Variants in SORBS2 observed in about 807,000 individuals in gnomAD.
SORBS2 encodes sorbin and SH3 domain containing 2.
A neutral mutation model predicts 97.7 loss-of-function variants in SORBS2; 46 were observed. That is an observed-to-expected ratio of 0.47 (90% CI 0.37 to 0.60). SORBS2 has a LOEUF of 0.60. Among genes scored for constraint, SORBS2 ranks in the 20% least tolerant of loss-of-function variants. The pLI is 0.00. For synonymous variants in SORBS2, 476 were observed against 473.4 expected (o/e 1.01, Z -0.07); for missense variants, 1,316 against 1,282.3 (o/e 1.03, Z -0.40).
intron 2 of SORBS2, among the ~76,000 whole-genome samples, chr4:185,731,575 CTTCCCTCTCT>C (rs2098629901): frequency 1.1e-5 from 1 of 91,766 alleles, no homozygotes; most frequent in African/African-American, 4.4e-5. Context: ...TATCTCTCTC[CTTCCCTCTCT>C]CCCTCCCTCC....
At chr4:185,676,151 G>C (rs2097786202) in intron 4 of SORBS2, among the ~76,000 whole-genome samples, 1 of 152,138 alleles carries the variant, frequency 6.6e-6, no homozygotes, top group Admixed American at 6.5e-5. Context: ...CTCTAGCCTA[G>C]TCTATGGTAA....
intron 8 of SORBS2, among the ~76,000 whole-genome samples, chr4:185,618,952 G>C (rs1012989698): frequency 1.5e-4 from 23 of 152,158 alleles, no homozygotes; most frequent in Non-Finnish European, 2.9e-5. Context: ...GCTCTTCCTA[G>C]GATAAATGTG....
chr4:185,699,211 C>T (rs1456374070), intron 2 of SORBS2, among the ~76,000 whole-genome samples: 1 of 151,038 alleles, frequency 6.6e-6, no homozygotes, highest in Admixed American at 6.6e-5. Context: ...GGAAAATTTG[C>T]TCTAATTTGA....
chr4:185,622,069 A>T (rs529190754), intron 7 of SORBS2, among the ~76,000 whole-genome samples: 2 of 152,376 alleles, frequency 1.3e-5, no homozygotes, highest in South Asian at 4.1e-4. Flanking sequence ...AATGAAAATA[A>T]TTGGTCACAA....
At chr4:185,690,043 T>A (rs1174005692) in intron 2 of SORBS2, among the ~76,000 whole-genome samples, 3 of 152,186 alleles carry the variant, frequency 2.0e-5, no homozygotes, top group African/African-American at 7.2e-5. Context: ...AGAGACACAG[T>A]TGTTAAGTTA....
At chr4:185,923,276 T>C (rs1368880440) in intron 1 of SORBS2, among the ~76,000 whole-genome samples, 1 of 152,108 alleles carries the variant, frequency 6.6e-6, no homozygotes, top group Non-Finnish European at 1.5e-5. Context: ...CTGAGTAACT[T>C]ATTCTTTGGG....
At chr4:185,725,527 A>G (rs574866122) in intron 2 of SORBS2, among the ~76,000 whole-genome samples, 64 of 152,334 alleles carry the variant, frequency 4.2e-4, no homozygotes, top group African/African-American at 1.5e-3. Context: ...ACTTGGGAGT[A>G]ACGACTTTGT....
In SORBS2 at chr4:185,594,956, G is replaced by C. The variant is rs2096051444; in HGVS notation, c.2797-1021C>G. On this transcript the variant is annotated intron_variant, in intron 12 of 14. Coordinates refer to ENST00000418609, the Ensembl canonical transcript of SORBS2. ...ATTAGATCCATGTCCTTAGACTTTG[G>C]GACCAGTTCTTAGATTTCCATAGTT... 3.3e-5 allele frequency among the ~76,000 whole-genome samples: 5 copies of C among 152,082 alleles called. 1 individual carries two copies. Among genetic ancestry groups the C allele is most frequent in the Admixed American group, 2.0e-4 (3 of 15,272 alleles).
intron 9 of SORBS2, among the ~76,000 whole-genome samples, chr4:185,617,068 T>G (rs2096639990): frequency 6.6e-6 from 1 of 152,172 alleles, no homozygotes; most frequent in Admixed American, 6.5e-5. Flanking sequence ...AATTAAGACT[T>G]CTCAGAAGAC....
intron 1 of SORBS2, among the ~76,000 whole-genome samples, chr4:185,878,979 G>A (rs1000765226): frequency 3.9e-5 from 6 of 152,118 alleles, no homozygotes; most frequent in Admixed American, 3.9e-4. Flanking sequence ...CTCTCCAGTC[G>A]CTTTCTATCC....
At chr4:185,806,374 G>A (rs2099153441) in intron 1 of SORBS2, among the ~76,000 whole-genome samples, 2 of 150,522 alleles carry the variant, frequency 1.3e-5, no homozygotes, top group Non-Finnish European at 1.5e-5. Context: ...ATTCTTCATG[G>A]CATCCCATGC....
chr4:185,619,438 T>A (rs144545113), intron 8 of SORBS2, among the ~76,000 whole-genome samples: 2 of 152,290 alleles, frequency 1.3e-5, no homozygotes, highest in Non-Finnish European at 2.9e-5. Context: ...CAGACGCCTA[T>A]AAGATCCTCT....
chr4:185,715,011 T>G (rs1316581631), intron 2 of SORBS2, among the ~76,000 whole-genome samples: 1 of 152,208 alleles, frequency 6.6e-6, no homozygotes, highest in Non-Finnish European at 1.5e-5. Context: ...TAAAGGCTTG[T>G]AAATCATTAA....
intron 1 of SORBS2, among the ~76,000 whole-genome samples, chr4:185,802,147 A>G (rs2099133952): frequency 6.6e-6 from 1 of 152,176 alleles, no homozygotes; most frequent in Non-Finnish European, 1.5e-5. Context: ...ATTGCTTAAG[A>G]CGATCAAAGA....
At chr4:185,838,707 T>C (rs2099209689) in intron 1 of SORBS2, among the ~76,000 whole-genome samples, 1 of 152,198 alleles carries the variant, frequency 6.6e-6, no homozygotes, top group African/African-American at 2.4e-5. Flanking sequence ...GTCCGCTATC[T>C]CCTCGCATAC....
chr4:185,782,808 G>A (rs1240374223), intron 1 of SORBS2, among the ~76,000 whole-genome samples: 1 of 152,214 alleles, frequency 6.6e-6, no homozygotes, highest in African/African-American at 2.4e-5. Context: ...ATACACTGTA[G>A]AGCAGGGGTC....
intron 1 of SORBS2, among the ~76,000 whole-genome samples, chr4:185,897,653 A>G (rs550171370): frequency 5.8e-4 from 89 of 152,324 alleles, no homozygotes; most frequent in Admixed American, 3.3e-3. Flanking sequence ...GCAGTCTGAA[A>G]CAGGTATGCT....
Position 185,874,365 on chromosome 4 carries a change from G to A in SORBS2, c.-338+81831C>T, listed in dbSNP as rs563624068. ...TATAACCCAATGGTTTTATGAAGGC[G>A]GTGAAATTACAGAGAATCTGTTCAT... On this transcript the variant is annotated intron_variant, in intron 1 of 20. Coordinates refer to the SORBS2 transcript ENST00000284776. Among the ~76,000 whole-genome samples the A allele has an allele frequency of 2.6e-5, 4 of 152,248 alleles. No homozygotes were observed. The South Asian group carries it at 6.2e-4, about 24-fold the overall frequency.
chr4:185,654,435 T>A (rs1235505989), intron 1 of SORBS2, among the ~76,000 whole-genome samples: 1 of 152,164 alleles, frequency 6.6e-6, no homozygotes, highest in Non-Finnish European at 1.5e-5. Flanking sequence ...GCCTACTAAG[T>A]AAGTCCTATC....
Sources: allele counts gnomAD v4.1 joint callset (sites outside exome capture counted in the v4.1 genomes callset), GRCh38; gene constraint gnomAD v4.1.1; transcripts MANE v1.5; gene names NCBI Gene and HGNC (gene_info 2026-07-23, HGNC 2026-07-21).